Variants in KANSL1 observed in about 807,000 individuals in gnomAD.
The protein encoded by KANSL1 is KAT8 regulatory NSL complex subunit 1.
A neutral mutation model predicts 103.6 loss-of-function variants in KANSL1; 22 were observed. The observed-to-expected ratio is 0.21, with a 90% CI of 0.15 to 0.30. The LOEUF is 0.30. KANSL1 is among the 10% of genes least tolerant of loss of function. The pLI, the probability that KANSL1 is intolerant of heterozygous loss-of-function variation, is 1.00. For missense variants in KANSL1, 1,337 were observed against 1,399.8 expected (o/e 0.96, Z 0.72); for synonymous variants, 600 against 527.6 (o/e 1.14, Z -1.88).
chr17:46,160,137 A>T (rs1035764464), intron 2 of KANSL1, among the ~76,000 whole-genome samples: 1 of 152,248 alleles, frequency 6.6e-6, no homozygotes, highest in Admixed American at 6.5e-5. Context: ...ACAGGGTATC[A>T]TCATCATATG....
chr17:46,123,714 G>C (rs1369646124), intron 2 of KANSL1, among the ~76,000 whole-genome samples: 1 of 152,260 alleles, frequency 6.6e-6, no homozygotes, highest in Non-Finnish European at 1.5e-5. Flanking sequence ...GGAAGCTGCA[G>C]AAGCAAAGTC....
At chr17:46,104,869 G>A (rs1432478525) in intron 2 of KANSL1, among the ~76,000 whole-genome samples, 1 of 152,036 alleles carries the variant, frequency 6.6e-6, no homozygotes, top group Non-Finnish European at 1.5e-5. Context: ...AGGCTGGAGT[G>A]CAATGGTGCG....
At chr17:46,084,564 C>T (rs1421590140) in intron 3 of KANSL1, among the ~76,000 whole-genome samples, 2 of 151,838 alleles carry the variant, frequency 1.3e-5, no homozygotes, top group Non-Finnish European at 2.9e-5. Flanking sequence ...CCCCTGTAAT[C>T]CCAGCTACTT....
intron 6 of KANSL1, among the ~76,000 whole-genome samples, chr17:46,063,910 TTTAA>T (rs140299058): frequency 2.0e-4 from 29 of 142,610 alleles, no homozygotes; most frequent in South Asian, 4.3e-4. Context: ...TTTTTTTTTT[TTTAA>T]AATGTAAAAG....
At chr17:46,079,043 G>C (rs2078891278) in intron 4 of KANSL1, among the ~76,000 whole-genome samples, 1 of 151,106 alleles carries the variant, frequency 6.6e-6, no homozygotes, top group Non-Finnish European at 1.5e-5. Flanking sequence ...AATAAAAAAA[G>C]AGGCATTTTT....
At chr17:46,058,731 ACACACACACACACTCTCTCTCTCT>A (rs1302318067) in intron 6 of KANSL1, among the ~76,000 whole-genome samples, 38 of 87,086 alleles carry the variant, frequency 4.4e-4, no homozygotes, top group Non-Finnish European at 6.8e-4. Flanking sequence ...ACACACACAC[ACACACACACACACTCTCTCTCTCT>A]CTCTCTCTCT....
In KANSL1 at chr17:46,039,812, T is replaced by C. The variant is rs2077260533; in HGVS notation, c.2093A>G (p.Lys698Arg). ...CTTAAGCGATAACTTTTTGGGAGGT[T>C]TGATTTTGTCAAAAGGCTTGTTCTG... ...QWQNKPFDKI[K>R]PPKKLSLKHR... is the part of the protein sequence containing the mutation. The change falls in exon 8 of 15, where the codon AAA (lysine) becomes AGA (arginine). Residue 698 changes from lysine (K) to arginine (R), a missense_variant. By Grantham distance (26) the Lys-to-Arg change is conservative. This residue lies in a region of KANSL1 where 780 missense variants were observed against 923.4 expected (regional missense o/e 0.84). Transcript: ENST00000432791. The C allele has an allele frequency of 6.2e-7, 1 of 1,614,168 alleles. No homozygotes were observed. The highest frequency in any genetic ancestry group is 8.5e-7 in the Non-Finnish European group (1 of 1,180,022).
intron 7 of KANSL1, among the ~76,000 whole-genome samples, chr17:46,049,240 CT>C (rs34418861): frequency 0.092 from 6,962 of 75,408 alleles, 47 homozygotes; most frequent in Middle Eastern, 0.12. Context: ...CATCCAAGAC[CT>C]TTTTTTTTTT....
At chr17:46,138,457 A>G (rs2696603) in intron 2 of KANSL1, among the ~76,000 whole-genome samples, 21,955 of 152,240 alleles carry the variant, frequency 0.14, 2,136 homozygotes, top group Non-Finnish European at 0.22. Flanking sequence ...ATACAGGAGG[A>G]TGTGCATAGG....
chr17:46,084,006 T>C (rs1035154608), intron 3 of KANSL1, among the ~76,000 whole-genome samples: 4 of 152,144 alleles, frequency 2.6e-5, no homozygotes, highest in African/African-American at 9.7e-5. Flanking sequence ...AAAAGAAGTA[T>C]GTATCTCTTT....
chr17:46,216,740 G>A (rs1361551691), intron 1 of KANSL1, among the ~76,000 whole-genome samples: 4 of 152,194 alleles, frequency 2.6e-5, no homozygotes, highest in South Asian at 2.1e-4. Flanking sequence ...TGTAGGTGTC[G>A]AGGGTCTAGT....
At chr17:46,202,413 A>G (rs1055299268) in intron 1 of KANSL1, among the ~76,000 whole-genome samples, 3 of 152,248 alleles carry the variant, frequency 2.0e-5, no homozygotes, top group African/African-American at 7.2e-5. Flanking sequence ...CTGTTTCAAG[A>G]TAGAAAAGGA....
At chr17:46,093,479 G>A (rs2146937531) in intron 3 of KANSL1, 1 of 147,988 alleles carries the variant, frequency 6.8e-6, no homozygotes, top group South Asian at 2.1e-4. Flanking sequence ...TTTAGGGGGA[G>A]GGGGAATATA....
chr17:46,179,209 T>C (rs9902910), intron 1 of KANSL1, among the ~76,000 whole-genome samples: 4,473 of 152,196 alleles, frequency 0.029, 184 homozygotes, highest in African/African-American at 0.09. Flanking sequence ...CAGAGAACCA[T>C]ATCCTAAAGA....
intron 1 of KANSL1, among the ~76,000 whole-genome samples, chr17:46,202,647 C>T (rs934122736): frequency 2.0e-5 from 3 of 151,952 alleles, no homozygotes; most frequent in Non-Finnish European, 4.4e-5. Context: ...CATAAGTTAC[C>T]GAGAACATGA....
At chr17:46,083,614 G>A (rs1427726873) in intron 3 of KANSL1, among the ~76,000 whole-genome samples, 1 of 152,114 alleles carries the variant, frequency 6.6e-6, no homozygotes, top group Non-Finnish European at 1.5e-5. Flanking sequence ...TACCGAGGCT[G>A]ATCTCAAACT....
intron 2 of KANSL1, among the ~76,000 whole-genome samples, chr17:46,153,130 T>TA (rs2045215920): frequency 6.6e-6 from 1 of 152,230 alleles, no homozygotes. Context: ...GATTTTTTTT[T>TA]AAAGTATTAT....
At chr17:46,199,526 TAAACA>T (rs1213120678) in intron 1 of KANSL1, among the ~76,000 whole-genome samples, 8 of 152,230 alleles carry the variant, frequency 5.3e-5, no homozygotes, top group Non-Finnish European at 8.8e-5. Context: ...TCAGTAAGAT[TAAACA>T]AAAGCATTTC....
intron 1 of KANSL1, among the ~76,000 whole-genome samples, chr17:46,173,838 A>G (rs1221019097): frequency 1.3e-5 from 2 of 152,200 alleles, no homozygotes; most frequent in Admixed American, 6.5e-5. Flanking sequence ...ATTTTTTAAA[A>G]ATATTCTTTG....
Sources: gnomAD v4.1 joint callset for allele counts (sites outside exome capture counted in the v4.1 genomes callset) on GRCh38, gnomAD v4.1.1 for gene constraint, gnomAD v4.1.1 regional missense constraint, MANE v1.5 for transcripts, NCBI Gene and HGNC (gene_info 2026-07-23, HGNC 2026-07-21) for gene names.